The following SKAP2 variants were observed in gnomAD, a reference collection of about 807,000 sequenced individuals.
SKAP2 encodes src kinase-associated phosphoprotein 2.
In SKAP2, 28 loss-of-function variants were observed where a neutral mutation model predicts 54.9. That is an observed-to-expected ratio of 0.51 (90% CI 0.38 to 0.70). The LOEUF is 0.70. SKAP2 is among the 30% of genes least tolerant of loss of function. The probability of loss-of-function intolerance (pLI) is 0.00; values close to 1 mark genes in which losing one functional copy is unlikely to be tolerated. For missense variants in SKAP2, 356 were observed against 424.1 expected, an observed-to-expected ratio of 0.84 and a Z score of 1.41; for synonymous variants, 137 against 134.3, an observed-to-expected ratio of 1.02 and a Z score of -0.14.
At chr7:26,758,706 A>G (rs1305138372) in intron 4 of SKAP2, among the ~76,000 whole-genome samples, 1 of 152,248 alleles carries the variant, frequency 6.6e-6, no homozygotes, top group East Asian at 1.9e-4. Context: ...TCTTAAAAAA[A>G]TTAAAGGAAC....
intron 1 of SKAP2, among the ~76,000 whole-genome samples, chr7:26,863,244 C>A (rs1785304219): frequency 6.6e-6 from 1 of 152,146 alleles, no homozygotes; most frequent in South Asian, 2.1e-4. Context: ...TTTGGACTCA[C>A]ATTGCTATAG....
rs141792603 is a variant in SKAP2 at position 26,743,374 on chromosome 7, A to G, written c.308-3410T>C. Among the ~76,000 whole-genome samples the G allele has an allele frequency of 1.8e-4, 28 of 152,342 alleles. No homozygotes were observed. In the East Asian group the frequency reaches 5.0e-3, roughly 27 times the overall value. On this transcript the variant is annotated intron_variant, in intron 4 of 12. Transcript: ENST00000345317. ...ACGTAAGACTATGTTGCTCAGAGAA[A>G]GTTAATCAGAAATGAAATACAGGAA...
intron 4 of SKAP2, among the ~76,000 whole-genome samples, chr7:26,830,008 A>T (rs1321641210): frequency 6.6e-6 from 1 of 152,214 alleles, no homozygotes; most frequent in East Asian, 1.9e-4. Context: ...CCATCAATTG[A>T]GGATGGATGA....
At chr7:26,854,208 A>C (rs201721817) in intron 2 of SKAP2, 46 bp from the exon 3 acceptor site, 4 of 1,283,112 alleles carry the variant, frequency 3.1e-6, no homozygotes, top group Non-Finnish European at 4.4e-6. Flanking sequence ...AAAAATCAAA[A>C]CAAGGTCTAA....
chr7:26,741,538 CTAAATAAATAAATAAA>C (rs370860741), intron 4 of SKAP2, among the ~76,000 whole-genome samples: 110 of 80,552 alleles, frequency 1.4e-3, no homozygotes, highest in African/African-American at 5.6e-3. Flanking sequence ...GACCCTGTCT[CTAAATAAATAAATAAA>C]TAAATAAATA....
At chr7:26,693,484 T>C (rs1306375535) in intron 9 of SKAP2, among the ~76,000 whole-genome samples, 1 of 152,170 alleles carries the variant, frequency 6.6e-6, no homozygotes, top group Non-Finnish European at 1.5e-5. Context: ...TTACTATGAA[T>C]TTTTTATTTT....
At chr7:26,777,927 T>C (rs1282938183) in intron 4 of SKAP2, among the ~76,000 whole-genome samples, 1 of 151,984 alleles carries the variant, frequency 6.6e-6, no homozygotes, top group African/African-American at 2.4e-5. Context: ...CACCTATAAA[T>C]GAACTGATTA....
chr7:26,788,229 A>G (rs1234433865), intron 4 of SKAP2, among the ~76,000 whole-genome samples: 1 of 152,244 alleles, frequency 6.6e-6, no homozygotes, highest in Non-Finnish European at 1.5e-5. Flanking sequence ...CGATCATTTC[A>G]TATTGTTATG....
intron 4 of SKAP2, among the ~76,000 whole-genome samples, chr7:26,774,721 A>T (rs1783265847): frequency 6.6e-6 from 1 of 152,276 alleles, no homozygotes; most frequent in South Asian, 2.1e-4. Flanking sequence ...TTCAAGATAC[A>T]CTATAAATAG....
chr7:26,677,635 G>A (rs2128085296), intron 11 of SKAP2, among the ~76,000 whole-genome samples: 1 of 152,254 alleles, frequency 6.6e-6, no homozygotes, highest in East Asian at 1.9e-4. Context: ...ACTTACTCCA[G>A]TATTTACTGA....
intron 11 of SKAP2, among the ~76,000 whole-genome samples, chr7:26,671,482 T>C (rs994189045): frequency 2.6e-4 from 39 of 152,034 alleles, no homozygotes; most frequent in African/African-American, 9.2e-4. Context: ...AGCATTACAT[T>C]AGCGTGTATG....
At chr7:26,669,944 C>A in intron 12 of SKAP2, 147 bp downstream of exon 12, 1 of 386,576 alleles carries the variant, frequency 2.6e-6, no homozygotes, top group South Asian at 1.0e-4. Flanking sequence ...AAAATTAAAC[C>A]AGATCAAACA....
chr7:26,754,221 G>T (rs1782741988), intron 4 of SKAP2, among the ~76,000 whole-genome samples: 1 of 151,868 alleles, frequency 6.6e-6, no homozygotes, highest in African/African-American at 2.4e-5. Flanking sequence ...AAAATTAGCA[G>T]GGCGTGGTGG....
intron 3 of SKAP2, 104 bp from the exon 4 acceptor site, chr7:26,844,241 C>A: frequency 1.5e-6 from 1 of 660,892 alleles, no homozygotes; most frequent in East Asian, 2.6e-5. Flanking sequence ...GTAAATTCTA[C>A]TAGTAAATTG....
At chr7:26,820,104 G>C (rs902507622) in intron 4 of SKAP2, among the ~76,000 whole-genome samples, 1 of 152,116 alleles carries the variant, frequency 6.6e-6, no homozygotes, top group African/African-American at 2.4e-5. Flanking sequence ...TATTGCTTGA[G>C]CCCAAGAACT....
intron 11 of SKAP2, among the ~76,000 whole-genome samples, chr7:26,671,942 G>A (rs987494329): frequency 8.6e-5 from 13 of 151,998 alleles, no homozygotes; most frequent in African/African-American, 2.4e-4. Context: ...AAAAACACAC[G>A]TACTTAACGT....
chr7:26,749,858 T>C (rs1221339780), intron 4 of SKAP2, among the ~76,000 whole-genome samples: 2 of 151,884 alleles, frequency 1.3e-5, no homozygotes, highest in African/African-American at 4.8e-5. Context: ...CTCCATACTA[T>C]AAGCTTAAAT....
intron 11 of SKAP2, among the ~76,000 whole-genome samples, 183 bp downstream of exon 11, chr7:26,684,553 T>A (rs1009256971): frequency 1.3e-5 from 2 of 152,212 alleles, no homozygotes; most frequent in African/African-American, 4.8e-5. Flanking sequence ...GTTATCTGAT[T>A]GTGTTTAAAA....
intron 11 of SKAP2, among the ~76,000 whole-genome samples, chr7:26,676,103 T>C (rs947290318): frequency 5.9e-5 from 9 of 152,344 alleles, no homozygotes; most frequent in African/African-American, 2.2e-4. Context: ...TCTACAATAG[T>C]GCACTTAGGT....
Sources: allele counts gnomAD v4.1 joint callset (sites outside exome capture counted in the v4.1 genomes callset), GRCh38; gene constraint gnomAD v4.1.1; transcripts MANE v1.5; gene names NCBI Gene and HGNC (gene_info 2026-07-23, HGNC 2026-07-21).